Variants in SEPTIN7 observed in about 807,000 individuals in gnomAD.
SEPTIN7 encodes the protein septin 7, also known as septin-7.
A neutral mutation model predicts 63.3 loss-of-function variants in SEPTIN7; 10 were observed. That is an observed-to-expected ratio of 0.16 (90% confidence interval 0.10 to 0.27). The LOEUF is 0.27. SEPTIN7 is among the 10% of genes least tolerant of loss of function. The probability of loss-of-function intolerance (pLI) is 1.00; values close to 1 mark genes in which losing one functional copy is unlikely to be tolerated. For synonymous variants in SEPTIN7, 131 were observed against 165.3 expected (o/e 0.79, Z 1.59); for missense variants, 310 against 521.0 (o/e 0.59, Z 3.94).
downstream of SEPTIN7, among the ~76,000 whole-genome samples, chr7:35,912,103 A>G (rs1788751291): frequency 1.3e-5 from 2 of 152,236 alleles, no homozygotes; most frequent in Admixed American, 6.5e-5. Flanking sequence ...TTGCAAATCA[A>G]AGAAGGGGGA....
At chr7:35,814,595 A>G (rs747657337) in intron 1 of SEPTIN7, among the ~76,000 whole-genome samples, 7 of 152,104 alleles carry the variant, frequency 4.6e-5, no homozygotes, top group Admixed American at 3.3e-4. Context: ...ATTCTTGCCT[A>G]TGGCAGTTAT....
chr7:35,890,964 T>C (rs1010062838), intron 11 of SEPTIN7, among the ~76,000 whole-genome samples, 171 bp downstream of exon 11: 9 of 152,222 alleles, frequency 5.9e-5, no homozygotes, highest in African/African-American at 1.9e-4. Context: ...AGAAGCTTTT[T>C]TGAATGAACC....
At chr7:35,846,963 T>G (rs1365603813) in intron 3 of SEPTIN7, 1 of 152,700 alleles carries the variant, frequency 6.5e-6, no homozygotes, top group African/African-American at 2.4e-5. Context: ...TAAAGGAGAT[T>G]TCTGAGCAGC....
Position 35,863,531 on chromosome 7 carries a change from AT to A in SEPTIN7, c.170-17del, listed in dbSNP as rs1785630684. 6.9e-7 allele frequency: 1 copy of A among 1,448,642 alleles called. No individual in the cohort carries two copies. Among genetic ancestry groups the A allele is most frequent in the Non-Finnish European group, 9.5e-7 (1 of 1,049,914 alleles). The allele number at this position is 1,448,642 out of a possible 1,614,324, so 89.7% of individuals were successfully genotyped here. On this transcript the variant is annotated intron_variant, in intron 3 of 13. Coordinates refer to ENST00000350320, the MANE Select transcript of SEPTIN7 (RefSeq NM_001788.6). ...CGTAAAGTGGGTGAGTTTAACAGAT[AT>A]TTTCCCTTATTTCTTTTAGGTGAAT... is the stretch of plus-strand genomic sequence containing the variant.
At chr7:35,807,351 ATTTTTTTTTTTTTTTTTTT>A (rs70974769) in intron 1 of SEPTIN7, among the ~76,000 whole-genome samples, 1 of 22,188 alleles carries the variant, frequency 4.5e-5, no homozygotes, top group Non-Finnish European at 7.3e-5. Flanking sequence ...GCCCGGCTGA[ATTTTTTTTTTTTTTTTTTT>A]TTTTTTTTTT....
At chr7:35,829,180 G>A (rs903119396) in intron 1 of SEPTIN7, among the ~76,000 whole-genome samples, 6 of 127,872 alleles carry the variant, frequency 4.7e-5, no homozygotes, top group African/African-American at 1.6e-4. Context: ...CTGTCATCCA[G>A]GCAGGAGTGC....
At chr7:35,865,630 G>C (rs1785769604) in intron 4 of SEPTIN7, among the ~76,000 whole-genome samples, 1 of 152,050 alleles carries the variant, frequency 6.6e-6, no homozygotes, top group Non-Finnish European at 1.5e-5. Flanking sequence ...TGTGCATAAA[G>C]ATATAAAGGT....
intron 4 of SEPTIN7, among the ~76,000 whole-genome samples, chr7:35,866,874 C>A (rs78239877): frequency 0.01 from 1,558 of 152,290 alleles, 32 homozygotes; most frequent in East Asian, 0.079. Context: ...ATCACAATCA[C>A]CTGGAAGGCT....
At chr7:35,853,759 C>T (rs1057458316) in intron 3 of SEPTIN7, among the ~76,000 whole-genome samples, 2 of 152,006 alleles carry the variant, frequency 1.3e-5, no homozygotes, top group African/African-American at 4.8e-5. Flanking sequence ...GGTAAAATAT[C>T]CCATGTCAGA....
intron 2 of SEPTIN7, 128 bp from the exon 3 acceptor site, chr7:35,832,670 T>C: frequency 1.4e-6 from 1 of 695,088 alleles, no homozygotes; most frequent in Non-Finnish European, 2.7e-6. Context: ...GATAATGCCA[T>C]GAAAGTAGTT....
intron 1 of SEPTIN7, among the ~76,000 whole-genome samples, chr7:35,827,466 C>G (rs1314482161): frequency 1.3e-5 from 2 of 152,028 alleles, no homozygotes; most frequent in African/African-American, 4.8e-5. Context: ...TATGACAAGT[C>G]TATATGTTTT....
At chr7:35,824,169 A>G (rs1230187185) in intron 1 of SEPTIN7, among the ~76,000 whole-genome samples, 3 of 151,510 alleles carry the variant, frequency 2.0e-5, no homozygotes, top group African/African-American at 7.3e-5. Context: ...TTCTTCCCCT[A>G]TCTTTCCATT....
intron 6 of SEPTIN7, among the ~76,000 whole-genome samples, chr7:35,879,216 A>C (rs1167565122): frequency 6.6e-6 from 1 of 152,192 alleles, no homozygotes; most frequent in Non-Finnish European, 1.5e-5. Context: ...TGTCAGAGAA[A>C]GATAGTTGGT....
Position 35,801,345 on chromosome 7 carries a change from C to T in SEPTIN7, c.61+75C>T, listed in dbSNP as rs965360357. 6 of 1,494,244 alleles carry T rather than the reference C, an allele frequency of 4.0e-6. No homozygotes were observed. In the African/African-American group the frequency reaches 5.8e-5, roughly 14 times the overall value. 92.6% of individuals were successfully genotyped at this position (1,494,244 alleles called of 1,614,324 possible). On this transcript the variant is annotated intron_variant, in intron 1 of 13. Coordinates refer to ENST00000350320, the MANE Select transcript of SEPTIN7 (RefSeq NM_001788.6). The stretch of plus-strand genomic sequence containing the variant: ...CCGGGAAGCTCTGCGGCCGCTGGAC[C>T]GAGCTAGGGAACGCCCTGAGGCGAG...
At chr7:35,811,868 A>G (rs1788733056) in intron 1 of SEPTIN7, among the ~76,000 whole-genome samples, 2 of 152,214 alleles carry the variant, frequency 1.3e-5, no homozygotes, top group African/African-American at 4.8e-5. Context: ...CTAAAAATAC[A>G]AAAATTAGCT....
At chr7:35,865,477 G>A (rs960912076) in intron 4 of SEPTIN7, among the ~76,000 whole-genome samples, 6 of 151,832 alleles carry the variant, frequency 4.0e-5, no homozygotes, top group Non-Finnish European at 8.8e-5. Flanking sequence ...CTTTTTCATC[G>A]TCATCGTATG....
chr7:35,876,970 G>GA (rs1458706839), intron 6 of SEPTIN7, among the ~76,000 whole-genome samples: 5 of 151,082 alleles, frequency 3.3e-5, no homozygotes, highest in African/African-American at 4.9e-5. Context: ...ACTAAAAAAA[G>GA]AAAAAAAAAT....
downstream of SEPTIN7, among the ~76,000 whole-genome samples, chr7:35,907,562 G>T (rs1788653929): frequency 6.6e-6 from 1 of 152,028 alleles, no homozygotes; most frequent in Admixed American, 6.6e-5. Flanking sequence ...TATTCAATAG[G>T]TGGTAACTGG....
chr7:35,821,975 T>C (rs1359610190), intron 1 of SEPTIN7, among the ~76,000 whole-genome samples: 1 of 152,222 alleles, frequency 6.6e-6, no homozygotes, highest in Non-Finnish European at 1.5e-5. Context: ...TTCACTATGT[T>C]GGCAAGGCTG....
Sources: gnomAD v4.1 joint callset for allele counts (sites outside exome capture counted in the v4.1 genomes callset) on GRCh38, gnomAD v4.1.1 for gene constraint, MANE v1.5 for transcripts, NCBI Gene and HGNC (gene_info 2026-07-23, HGNC 2026-07-21) for gene names.